Variants in DCC observed in about 807,000 individuals in gnomAD.
DCC encodes the protein netrin receptor DCC.
In DCC, 58 loss-of-function variants were observed where a neutral mutation model predicts 172.5. That is an observed-to-expected ratio of 0.34 (90% CI 0.27 to 0.42). The LOEUF is 0.42. Ranked by LOEUF, DCC falls within the 10% of genes least tolerant of loss-of-function variation. The probability of loss-of-function intolerance (pLI) is 1.00; values close to 1 mark genes in which losing one functional copy is unlikely to be tolerated. For missense variants in DCC, 1,740 were observed against 1,791.0 expected, an observed-to-expected ratio of 0.97 and a Z score of 0.51; for synonymous variants, 709 against 644.5, an observed-to-expected ratio of 1.10 and a Z score of -1.52.
intron 25 of DCC, among the ~76,000 whole-genome samples, chr18:53,472,482 GT>G (rs2045709299): frequency 6.6e-6 from 1 of 152,088 alleles, no homozygotes; most frequent in Admixed American, 6.6e-5. Context: ...TAATAACTAA[GT>G]TCTATCTGTG....
At chr18:53,001,909 G>C (rs1471969335) in intron 5 of DCC, among the ~76,000 whole-genome samples, 1 of 152,036 alleles carries the variant, frequency 6.6e-6, no homozygotes, top group East Asian at 1.9e-4. Flanking sequence ...GTTTACAACT[G>C]AGCAAATTAC....
chr18:52,851,757 C>A (rs549709625), intron 2 of DCC, among the ~76,000 whole-genome samples: 1 of 152,016 alleles, frequency 6.6e-6, no homozygotes, highest in Non-Finnish European at 1.5e-5. Flanking sequence ...TATTGAGCAC[C>A]TTTTCCATGC....
chr18:52,895,325 C>A (rs2039713037), intron 2 of DCC, among the ~76,000 whole-genome samples: 1 of 152,126 alleles, frequency 6.6e-6, no homozygotes, highest in South Asian at 2.1e-4. Flanking sequence ...TAAAACTATT[C>A]ATTACTATTG....
chr18:52,934,250 TC>T (rs1390828640), intron 5 of DCC, among the ~76,000 whole-genome samples: 1 of 152,072 alleles, frequency 6.6e-6, no homozygotes, highest in Non-Finnish European at 1.5e-5. Context: ...TATCTAGTGA[TC>T]AATATAACAA....
chr18:52,381,379 T>C (rs1051371580), intron 1 of DCC, among the ~76,000 whole-genome samples: 4 of 152,116 alleles, frequency 2.6e-5, no homozygotes, highest in Non-Finnish European at 5.9e-5. Context: ...GAAAACCTTA[T>C]CAAATAATAC....
chr18:52,598,642 A>G (rs141403916), intron 1 of DCC, among the ~76,000 whole-genome samples: 1 of 152,362 alleles, frequency 6.6e-6, no homozygotes, highest in African/African-American at 2.4e-5. Flanking sequence ...TGCGGATCAT[A>G]GCCCATGTAG....
rs1399588090 is a variant in DCC, at chr18:53,531,355, G to C, written c.*702G>C. 2 of 155,316 alleles carry C rather than the reference G, an allele frequency of 1.3e-5. No homozygotes were observed. The highest frequency in any genetic ancestry group is 4.8e-5 in the African/African-American group (2 of 41,562). The allele number at this position is 155,316 out of a possible 1,614,324, so 9.6% of individuals were successfully genotyped here. ...CCAGGAATATAAAAATCTGCAACTAGTGGCATTCTGCCAGCAGCAGTACAT... is the reference window on the plus strand; with the variant it reads ...CCAGGAATATAAAAATCTGCAACTACTGGCATTCTGCCAGCAGCAGTACAT... On this transcript the variant is annotated 3_prime_UTR_variant, in exon 29 of 29. Coordinates refer to ENST00000442544, the MANE Select transcript of DCC (RefSeq NM_005215.4).
chr18:52,708,243 C>T (rs984383319), intron 1 of DCC, among the ~76,000 whole-genome samples: 1 of 151,988 alleles, frequency 6.6e-6, no homozygotes, highest in Admixed American at 6.6e-5. Flanking sequence ...AGATTGAGAC[C>T]ATCCTGGCTA....
In DCC at chr18:52,905,325, T is replaced by C. The variant is rs1173743093; in HGVS notation, c.413-719T>C. ...TGAAGTGACTATGTGAATTAGATAT[T>C]ACCCCATTTCATGGCCCAAAGAAAT... On this transcript the variant is annotated intron_variant, in intron 2 of 28. Coordinates refer to ENST00000442544, the MANE Select transcript of DCC (RefSeq NM_005215.4). Among the ~76,000 whole-genome samples, 12 of 152,344 alleles carry C rather than the reference T, an allele frequency of 7.9e-5. No individual in the cohort carries two copies. The East Asian group carries it at 2.3e-3, about 29-fold the overall frequency.
At chr18:53,045,630 AATCTT>A (rs2042227951) in intron 5 of DCC, among the ~76,000 whole-genome samples, 1 of 151,834 alleles carries the variant, frequency 6.6e-6, no homozygotes, top group Non-Finnish European at 1.5e-5. Context: ...TAAGAGTAGA[AATCTT>A]AATAGTCAAT....
intron 2 of DCC, among the ~76,000 whole-genome samples, chr18:52,896,749 G>A (rs1943109): frequency 0.4 from 60,363 of 151,970 alleles, 12,550 homozygotes; most frequent in Non-Finnish European, 0.47. Flanking sequence ...GGACAAGCCA[G>A]CTCACGCTTG....
At chr18:52,928,237 T>C (rs2040249681) in intron 5 of DCC, among the ~76,000 whole-genome samples, 1 of 152,038 alleles carries the variant, frequency 6.6e-6, no homozygotes. Context: ...GCAAAGTGTG[T>C]CCTTAGGTAC....
intron 27 of DCC, among the ~76,000 whole-genome samples, chr18:53,507,731 T>C (rs1447281257): frequency 6.6e-6 from 1 of 152,182 alleles, no homozygotes; most frequent in Non-Finnish European, 1.5e-5. Flanking sequence ...TACAGACTTA[T>C]AAGAATAATG....
chr18:53,362,217 A>C (rs2057955556), intron 15 of DCC, among the ~76,000 whole-genome samples: 1 of 152,206 alleles, frequency 6.6e-6, no homozygotes, highest in Admixed American at 6.5e-5. Flanking sequence ...CAACTGTAGG[A>C]CTTGTGCCTC....
intron 21 of DCC, among the ~76,000 whole-genome samples, chr18:53,430,203 ATATCTCAGTGCT>A (rs1555671110): frequency 6.6e-6 from 1 of 152,172 alleles, no homozygotes; most frequent in Non-Finnish European, 1.5e-5. Context: ...GATCAAGAAG[ATATCTCAGTGCT>A]CAGCACCCTT....
At chr18:52,686,098 C>T (rs536862610) in intron 1 of DCC, among the ~76,000 whole-genome samples, 2 of 152,182 alleles carry the variant, frequency 1.3e-5, no homozygotes, top group South Asian at 4.2e-4. Flanking sequence ...CCGAGCTATT[C>T]CTCAAATCTT....
intron 5 of DCC, among the ~76,000 whole-genome samples, chr18:52,962,558 G>A (rs1645634640): frequency 6.6e-6 from 1 of 151,882 alleles, no homozygotes; most frequent in Non-Finnish European, 1.5e-5. Context: ...GATTCCTCAG[G>A]GATCTAGAAC....
chr18:53,521,957 AG>A (rs2046403506), intron 27 of DCC, among the ~76,000 whole-genome samples: 1 of 152,236 alleles, frequency 6.6e-6, no homozygotes, highest in African/African-American at 2.4e-5. Flanking sequence ...TAAGAGGAAC[AG>A]CTTTTGTGAC....
At chr18:53,462,714 G>C (rs2045575083) in intron 24 of DCC, among the ~76,000 whole-genome samples, 1 of 152,100 alleles carries the variant, frequency 6.6e-6, no homozygotes, top group African/African-American at 2.4e-5. Context: ...GTTGGGAATG[G>C]CTGCTTTGTG....
Sources: gnomAD v4.1 joint callset for allele counts (sites outside exome capture counted in the v4.1 genomes callset) on GRCh38, gnomAD v4.1.1 for gene constraint, MANE v1.5 for transcripts, NCBI Gene and HGNC (gene_info 2026-07-23, HGNC 2026-07-21) for gene names.